The following ABL1 variants were observed in gnomAD, a reference collection of about 807,000 sequenced individuals.
ABL1 encodes ABL proto-oncogene 1, non-receptor tyrosine kinase, also known as tyrosine-protein kinase ABL1.
ABL1 carries 11 observed loss-of-function variants against 94.7 expected under a neutral mutation model. The observed-to-expected ratio is 0.12, with a 90% CI of 0.07 to 0.19. The LOEUF (loss-of-function observed/expected upper bound fraction) is 0.19. ABL1 is among the 10% of genes least tolerant of loss of function. The pLI is 1.00. For missense variants in ABL1, 1,082 were observed against 1,489.4 expected, an observed-to-expected ratio of 0.73 and a Z score of 4.50; for synonymous variants, 656 against 622.4, an observed-to-expected ratio of 1.05 and a Z score of -0.80.
At chr9:130,784,370 A>G (rs1226795574) in intron 1 of ABL1, among the ~76,000 whole-genome samples, 5 of 152,242 alleles carry the variant, frequency 3.3e-5, no homozygotes, top group African/African-American at 7.2e-5. Context: ...GAGAAATTAC[A>G]GCATTTAAAA....
intron 1 of ABL1, among the ~76,000 whole-genome samples, chr9:130,749,807 G>A (rs1203961595): frequency 6.6e-6 from 1 of 152,028 alleles, no homozygotes; most frequent in South Asian, 2.1e-4. Context: ...TTGTTGATTC[G>A]TCTTCATAAT....
At chr9:130,812,224 TTA>T in intron 1 of ABL1, among the ~76,000 whole-genome samples, 1 of 133,174 alleles carries the variant, frequency 7.5e-6, no homozygotes, top group Admixed American at 7.5e-5. Flanking sequence ...AAAAAAAAAA[TTA>T]GCCAGGTGTG....
intron 7 of ABL1, among the ~76,000 whole-genome samples, chr9:130,876,756 T>TTTTTTTTTTTTA (rs71389372): frequency 7.5e-6 from 1 of 133,166 alleles, no homozygotes; most frequent in African/African-American, 3.4e-5. Flanking sequence ...TTTTTTTTTT[T>TTTTTTTTTTTTA]GAGACAGTCT....
At chr9:130,743,407 G>T (rs879361670) in intron 1 of ABL1, among the ~76,000 whole-genome samples, 2 of 152,178 alleles carry the variant, frequency 1.3e-5, no homozygotes, top group South Asian at 4.1e-4. Context: ...GGGGGAGGTA[G>T]CCTCTAAGAT....
rs142237199 is a variant in ABL1 at position 130,796,533 on chromosome 9, C to T, written c.137-57531C>T. Reference sequence around the variant, plus strand: ...AGTGATTCATTTGTTTTGATAAAATCTGGCCTTCAAATGATCGAATGGCCA... The same window carrying T: ...AGTGATTCATTTGTTTTGATAAAATTTGGCCTTCAAATGATCGAATGGCCA... On this transcript the variant is annotated intron_variant, in intron 1 of 10. Transcript: ENST00000372348. Among the ~76,000 whole-genome samples, 991 of 152,246 alleles carry T rather than the reference C, an allele frequency of 6.5e-3. 12 individuals are homozygous for T. Among genetic ancestry groups the T allele is most frequent in the African/African-American group, 0.022 (933 of 41,554 alleles).
intron 1 of ABL1, among the ~76,000 whole-genome samples, chr9:130,815,969 G>A (rs1211125311): frequency 6.6e-6 from 1 of 152,218 alleles, no homozygotes; most frequent in Non-Finnish European, 1.5e-5. Context: ...AGTGAGCCAA[G>A]ACTGCGCCAC....
intron 1 of ABL1, among the ~76,000 whole-genome samples, chr9:130,790,245 A>T (rs1829887774): frequency 6.6e-6 from 1 of 152,232 alleles, no homozygotes; most frequent in African/African-American, 2.4e-5. Flanking sequence ...CTATGCTGGC[A>T]CATAGCAGCA....
At position 130,887,395 on chromosome 9, in the gene ABL1, C is replaced by G. The variant is rs952103520; in HGVS notation, c.*1712C>G. The G allele has an allele frequency of 4.3e-6, 1 of 233,300 alleles. No homozygotes were observed. The highest frequency in any genetic ancestry group is 8.5e-6 in the Non-Finnish European group (1 of 118,040). The allele number at this position is 233,300 out of a possible 1,614,324, so 14.5% of individuals were successfully genotyped here. On this transcript the variant is annotated 3_prime_UTR_variant, in exon 11 of 11. Coordinates refer to ENST00000318560, the MANE Select transcript of ABL1 (RefSeq NM_005157.6). ...GAGCAAAGCGCCCACCCAGGTCCCC[C>G]GACTGCCTGTCTCCATGAGGTACTG...
At chr9:130,853,743 A>G (rs1412327077) in intron 1 of ABL1, among the ~76,000 whole-genome samples, 2 of 152,190 alleles carry the variant, frequency 1.3e-5, no homozygotes, top group Non-Finnish European at 2.9e-5. Flanking sequence ...TGCATATTTT[A>G]AGCAAAGGCA....
chr9:130,721,847 A>G (rs1402437805), intron 1 of ABL1, among the ~76,000 whole-genome samples: 4 of 133,714 alleles, frequency 3.0e-5, no homozygotes, highest in Admixed American at 2.5e-4. Flanking sequence ...TTTGAGACAG[A>G]GCCTTGCTCT....
upstream of ABL1, among the ~76,000 whole-genome samples, chr9:130,830,934 T>C (rs530418866): frequency 1.9e-4 from 29 of 152,160 alleles, no homozygotes; most frequent in Admixed American, 5.2e-4. Context: ...TGCTACCCGA[T>C]TGAAAAAATG....
At chr9:130,741,812 TC>T (rs1831823397) in intron 1 of ABL1, among the ~76,000 whole-genome samples, 1 of 152,238 alleles carries the variant, frequency 6.6e-6, no homozygotes, top group Non-Finnish European at 1.5e-5. Context: ...CTCAAGCATT[TC>T]CAACCTAGTG....
chr9:130,758,073 TATATC>T (rs1205187895), intron 1 of ABL1, among the ~76,000 whole-genome samples: 1 of 152,238 alleles, frequency 6.6e-6, no homozygotes, highest in Non-Finnish European at 1.5e-5. Context: ...TTTGCTAACT[TATATC>T]AAGCACTTAC....
intron 1 of ABL1, among the ~76,000 whole-genome samples, chr9:130,801,288 G>A (rs1281523432): frequency 1.3e-5 from 2 of 151,654 alleles, no homozygotes; most frequent in African/African-American, 4.8e-5. Flanking sequence ...GGAGTGCAGT[G>A]GCACACTTGG....
At chr9:130,822,472 G>T in intron 1 of ABL1, among the ~76,000 whole-genome samples, 1 of 140,046 alleles carries the variant, frequency 7.1e-6, no homozygotes, top group South Asian at 2.3e-4. Flanking sequence ...TTAAGAGACA[G>T]GGTCTTGCTG....
At chr9:130,807,187 G>C (rs1359525191) in intron 1 of ABL1, among the ~76,000 whole-genome samples, 1 of 152,094 alleles carries the variant, frequency 6.6e-6, no homozygotes, top group Non-Finnish European at 1.5e-5. Context: ...ATACCTGCAT[G>C]GTATTCTATT....
chr9:130,740,819 A>ATTTTTTTT (rs34323373), intron 1 of ABL1, among the ~76,000 whole-genome samples: 10 of 97,812 alleles, frequency 1.0e-4, no homozygotes, highest in Admixed American at 2.6e-4. Flanking sequence ...CCACACCCAG[A>ATTTTTTTT]TTTTTTTTTT....
intron 1 of ABL1, among the ~76,000 whole-genome samples, chr9:130,853,177 T>TC (rs1564311808): frequency 1.5e-5 from 2 of 130,308 alleles, no homozygotes; most frequent in East Asian, 2.1e-4. Context: ...TTTCTTTTTT[T>TC]TTTTTTTTTT....
chr9:130,812,349 G>A (rs1165952520), intron 1 of ABL1, among the ~76,000 whole-genome samples: 1 of 151,384 alleles, frequency 6.6e-6, no homozygotes, highest in East Asian at 1.9e-4. Flanking sequence ...GGGTGACAGC[G>A]AGATTCCATC....
Sources: gnomAD v4.1 joint callset for allele counts (sites outside exome capture counted in the v4.1 genomes callset) on GRCh38, gnomAD v4.1.1 for gene constraint, MANE v1.5 for transcripts, NCBI Gene and HGNC (gene_info 2026-07-23, HGNC 2026-07-21) for gene names.